The following SLC14A2 variants were observed in gnomAD, a reference collection of about 807,000 sequenced individuals.
SLC14A2 encodes the protein urea transporter 2.
SLC14A2 carries 91 observed loss-of-function variants against 104.6 expected under a neutral mutation model. That is an observed-to-expected ratio of 0.87 (90% confidence interval 0.73 to 1.04). The LOEUF (loss-of-function observed/expected upper bound fraction) is 1.04, where lower values mean the gene tolerates loss of function less well. Among genes scored for constraint, SLC14A2 ranks in the 50% least tolerant of loss-of-function variants. The probability of loss-of-function intolerance (pLI) is 0.00; values close to 1 mark genes in which losing one functional copy is unlikely to be tolerated. For synonymous variants in SLC14A2, 476 were observed against 466.4 expected (o/e 1.02, Z -0.27); for missense variants, 1,189 against 1,156.0 (o/e 1.03, Z -0.41).
chr18:45,495,739 A>C lies in SLC14A2; in HGVS notation c.-35+12417A>C, dbSNP rs147610111. ...ATTTCTCGAGGGATTTAGGTCACTT[A>C]ATATGTAATGGCCCTTAAGAGAAGC... is the stretch of plus-strand genomic sequence containing the variant. On this transcript the variant is annotated intron_variant, in intron 2 of 20. Transcript: ENST00000586448. 9.2e-5 allele frequency among the ~76,000 whole-genome samples: 14 copies of C among 152,310 alleles called. No homozygotes were observed. In the East Asian group the frequency reaches 2.7e-3, roughly 29 times the overall value.
At chr18:45,203,680 G>A in the SLC14A2 span, among the ~76,000 whole-genome samples, 1 of 152,140 alleles carries the variant, frequency 6.6e-6, no homozygotes, top group Admixed American at 6.5e-5. Context: ...TTCACATATG[G>A]CATCTTTCAA....
At chr18:45,328,560 G>T (rs2144254925) in intron 1 of SLC14A2, among the ~76,000 whole-genome samples, 1 of 152,284 alleles carries the variant, frequency 6.6e-6, no homozygotes, top group East Asian at 1.9e-4. Flanking sequence ...CTTCTTGGAG[G>T]GGTATTTGGA....
rs1404833810 is a variant in SLC14A2 at position 45,667,864 on chromosome 18, G to T, written c.1749G>T (p.Trp583Cys). Residue 583 changes from tryptophan to cysteine, a missense_variant, in exon 14 of 20, where the codon TGG becomes TGT. By Grantham distance (215) the Trp-to-Cys change is radical. Transcript: ENST00000255226. ...CCCCAGTGTTCCAGTTCTTTGACTGGGTCCTCCGAGGCACATCTCAAGTGA... is the reference window on the plus strand; with the variant it reads ...CCCCAGTGTTCCAGTTCTTTGACTGTGTCCTCCGAGGCACATCTCAAGTGA... ...DKSPVFQFFD[W>C]VLRGTSQVMF... is the part of the protein sequence containing the mutation. The T allele has an allele frequency of 9.9e-6, 16 of 1,614,078 alleles. No homozygotes were observed. The highest frequency in any genetic ancestry group is 1.4e-5 in the Non-Finnish European group (16 of 1,180,006).
intron 1 of SLC14A2, among the ~76,000 whole-genome samples, chr18:45,258,110 C>T (rs530351928): frequency 6.6e-6 from 1 of 152,288 alleles, no homozygotes; most frequent in Admixed American, 6.5e-5. Context: ...GAGCGAGCTA[C>T]AGTTATAACC....
chr18:45,555,454 A>G (rs1259106172), intron 2 of SLC14A2, among the ~76,000 whole-genome samples: 1 of 152,226 alleles, frequency 6.6e-6, no homozygotes, highest in Non-Finnish European at 1.5e-5. Context: ...AGTCAAAAAT[A>G]TAAGTTGGGG....
chr18:45,681,723 A>G (rs1276339544), intron 19 of SLC14A2, among the ~76,000 whole-genome samples: 1 of 152,116 alleles, frequency 6.6e-6, no homozygotes, highest in Non-Finnish European at 1.5e-5. Flanking sequence ...ATGGCCACCC[A>G]TCCCTGGTTT....
intron 1 of SLC14A2, among the ~76,000 whole-genome samples, chr18:45,423,409 G>T (rs969670548): frequency 6.6e-6 from 1 of 152,220 alleles, no homozygotes; most frequent in Non-Finnish European, 1.5e-5. Context: ...AGGACCCCCT[G>T]TGTGGAGGAG....
At chr18:45,300,318 C>T (rs1416848919) in intron 1 of SLC14A2, among the ~76,000 whole-genome samples, 2 of 152,002 alleles carry the variant, frequency 1.3e-5, no homozygotes, top group Non-Finnish European at 2.9e-5. Context: ...CAGTGGAAGG[C>T]ACTAAGGCTT....
intron 1 of SLC14A2, among the ~76,000 whole-genome samples, chr18:45,328,199 C>A (rs370447496): frequency 3.9e-5 from 6 of 152,172 alleles, no homozygotes; most frequent in East Asian, 1.9e-4. Context: ...TTTATTCCTG[C>A]CTCTCATATG....
intron 1 of SLC14A2, among the ~76,000 whole-genome samples, chr18:45,218,663 T>TTTTAAATTTTG (rs1408663680): frequency 6.6e-6 from 1 of 152,194 alleles, no homozygotes; most frequent in African/African-American, 2.4e-5. Context: ...AAAACAAACT[T>TTTTAAATTTTG]TTTAAATTTT....
At chr18:45,348,517 T>A (rs1231989949) in intron 1 of SLC14A2, among the ~76,000 whole-genome samples, 2 of 152,170 alleles carry the variant, frequency 1.3e-5, no homozygotes, top group Non-Finnish European at 2.9e-5. Flanking sequence ...TCAAATATCC[T>A]ATGGCTGGAA....
intron 2 of SLC14A2, among the ~76,000 whole-genome samples, chr18:45,562,001 T>A (rs1260260528): frequency 6.6e-6 from 1 of 152,148 alleles, no homozygotes; most frequent in Non-Finnish European, 1.5e-5. Flanking sequence ...AGGTATATAT[T>A]TTTTTTAAGC....
intron 1 of SLC14A2, among the ~76,000 whole-genome samples, chr18:45,392,023 C>G (rs1011395652): frequency 9.9e-5 from 15 of 152,112 alleles, no homozygotes; most frequent in Non-Finnish European, 2.1e-4. Flanking sequence ...CAGAGACACT[C>G]AATATTGTTA....
At chr18:45,399,942 G>T (rs998205624) in intron 1 of SLC14A2, among the ~76,000 whole-genome samples, 1 of 152,132 alleles carries the variant, frequency 6.6e-6, no homozygotes, top group Non-Finnish European at 1.5e-5. Flanking sequence ...CTTCAGACGT[G>T]AGGCAATGAA....
intron 2 of SLC14A2, among the ~76,000 whole-genome samples, chr18:45,547,718 TC>T (rs1359464255): frequency 5.3e-5 from 8 of 152,142 alleles, no homozygotes; most frequent in Non-Finnish European, 1.2e-4. Context: ...AATGAGATGA[TC>T]TTCATGAAGG....
chr18:45,413,161 A>G (rs2086232703), intron 1 of SLC14A2, among the ~76,000 whole-genome samples: 1 of 152,198 alleles, frequency 6.6e-6, no homozygotes, highest in South Asian at 2.1e-4. Context: ...GTATAAAAAG[A>G]TAATTACACA....
At chr18:45,351,476 C>T (rs542841980) in intron 1 of SLC14A2, among the ~76,000 whole-genome samples, 1 of 152,180 alleles carries the variant, frequency 6.6e-6, no homozygotes, top group South Asian at 2.1e-4. Context: ...TGCCTGAGCC[C>T]CCCAAGTAGC....
chr18:45,636,332 A>G (rs991561966), intron 5 of SLC14A2, among the ~76,000 whole-genome samples: 1 of 152,202 alleles, frequency 6.6e-6, no homozygotes, highest in African/African-American at 2.4e-5. Context: ...AAGGGAGATT[A>G]ATTACCTAAC....
intron 1 of SLC14A2, among the ~76,000 whole-genome samples, chr18:45,387,811 G>A (rs1272536562): frequency 6.6e-6 from 1 of 152,074 alleles, no homozygotes; most frequent in African/African-American, 2.4e-5. Flanking sequence ...ACACTAAACA[G>A]CATTTACACA....
Sources: gnomAD v4.1 joint callset for allele counts (sites outside exome capture counted in the v4.1 genomes callset) on GRCh38, gnomAD v4.1.1 for gene constraint, MANE v1.5 for transcripts, NCBI Gene and HGNC (gene_info 2026-07-23, HGNC 2026-07-21) for gene names.